LPIN1: variants seen among roughly 807,000 people sequenced by gnomAD.
The protein encoded by LPIN1 is lipin 1.
LPIN1 carries 71 observed loss-of-function variants against 107.5 expected under a neutral mutation model. The ratio of observed to expected loss-of-function variants is 0.66; its 90% CI spans 0.55 to 0.80. LPIN1 has a LOEUF of 0.80. Ranked by LOEUF, LPIN1 falls within the 30% of genes least tolerant of loss-of-function variation. LPIN1 has a pLI of 0.00. For missense variants in LPIN1, 1,043 were observed against 1,160.6 expected (o/e 0.90, Z 1.47); for synonymous variants, 445 against 452.6 (o/e 0.98, Z 0.21).
chr2:11,790,395 C>T (rs1046217833), intron 12 of LPIN1, among the ~76,000 whole-genome samples: 7 of 152,284 alleles, frequency 4.6e-5, no homozygotes, highest in Admixed American at 6.5e-5. Flanking sequence ...CTCAGACTGC[C>T]GCATCTGAAA....
intron 1 of LPIN1, among the ~76,000 whole-genome samples, chr2:11,756,508 C>A (rs1281572059): frequency 6.6e-6 from 1 of 152,126 alleles, no homozygotes; most frequent in Non-Finnish European, 1.5e-5. Flanking sequence ...CCTGCCTCAG[C>A]CTCTCGAGTA....
At chr2:11,721,263 C>CGTGTGTGTGTGTGTGTGT (rs5829326), upstream of LPIN1, among the ~76,000 whole-genome samples, 9 of 129,886 alleles carry the variant, frequency 6.9e-5, no homozygotes, top group African/African-American at 2.6e-4. Flanking sequence ...GTACTGCATG[C>CGTGTGTGTGTGTGTGTGT]GTGTGTGTGT....
intron 18 of LPIN1, 128 bp from the exon 19 acceptor site, chr2:11,819,356 C>A: frequency 1.4e-6 from 1 of 710,690 alleles, no homozygotes; most frequent in South Asian, 1.6e-5. Flanking sequence ...TCTCAGCTGC[C>A]TGACACACAC....
Position 11,776,155 on chromosome 2 carries a change from T to A in LPIN1, c.792T>A (p.Ser264=). The A allele has an allele frequency of 6.5e-7, 1 of 1,546,962 alleles. No homozygotes were observed. The highest frequency in any genetic ancestry group is 8.7e-7 in the Non-Finnish European group (1 of 1,144,456). Residue 264 remains serine, a synonymous_variant, in exon 6 of 21, where the codon TCT becomes TCA. Coordinates refer to ENST00000674199, the MANE Select transcript of LPIN1 (RefSeq NM_001349206.2). ...AVAAEGGLSS[S]CPPQSSLFHP... The stretch of plus-strand genomic sequence containing the variant: ...CGGCCGAGGGAGGTCTGTCTAGTTC[T>A]TGCCCTCCACAGTCTTCCCTGTTCC...
intron 17 of LPIN1, among the ~76,000 whole-genome samples, chr2:11,811,444 T>C (rs1156431856): frequency 6.6e-6 from 1 of 152,146 alleles, no homozygotes; most frequent in Non-Finnish European, 1.5e-5. Context: ...TTTTCCCCAT[T>C]AGGTCACTCT....
chr2:11,771,631 C>A lies in LPIN1; in HGVS notation c.548C>A (p.Pro183His). Residue 183 changes from proline to histidine, a missense_variant, in exon 4 of 21, where the codon CCC becomes CAC. By Grantham distance (77) the Pro-to-His change is moderately conservative. Coordinates refer to ENST00000674199, the MANE Select transcript of LPIN1 (RefSeq NM_001349206.2). This position sits in a 1 kb window ranked among gnomAD's most constrained non-coding sequence, Gnocchi z 4.8. Reference protein sequence around the residue: ...MNTSEDEDMFPIEMSSDEAME... With the variant: ...MNTSEDEDMFHIEMSSDEAME... Reference sequence around the variant, plus strand: ...ACATCTGAGGATGAGGACATGTTCCCCATCGAGATGAGCTCGGATGAGGCC... The same window carrying A: ...ACATCTGAGGATGAGGACATGTTCCACATCGAGATGAGCTCGGATGAGGCC... 6.2e-7 allele frequency: 1 copy of A among 1,606,152 alleles called. No homozygotes were observed.
intron 1 of LPIN1, chr2:11,682,694 C>T (rs1426712410): frequency 6.6e-6 from 1 of 152,148 alleles, no homozygotes. Context: ...ATGTATTTAT[C>T]TATCTCCTGC....
chr2:11,810,164 T>A (rs1679405522), intron 17 of LPIN1, among the ~76,000 whole-genome samples: 1 of 152,048 alleles, frequency 6.6e-6, no homozygotes, highest in South Asian at 2.1e-4. Flanking sequence ...AAGCTTGTGG[T>A]CTTGTGGGAG....
At chr2:11,811,020 C>A (rs1679553319) in intron 17 of LPIN1, among the ~76,000 whole-genome samples, 1 of 152,018 alleles carries the variant, frequency 6.6e-6, no homozygotes, top group African/African-American at 2.4e-5. Flanking sequence ...GCTAGAGGAA[C>A]AGGGGTGATG....
At chr2:11,759,145 C>A (rs139997970) in intron 1 of LPIN1, among the ~76,000 whole-genome samples, 326 of 130,170 alleles carry the variant, frequency 2.5e-3, no homozygotes, top group African/African-American at 9.4e-3. Flanking sequence ...TTCTTTCTTT[C>A]TTTCTTTCTT....
At chr2:11,755,310 C>T (rs1199297247) in intron 1 of LPIN1, among the ~76,000 whole-genome samples, 1 of 152,088 alleles carries the variant, frequency 6.6e-6, no homozygotes, top group Non-Finnish European at 1.5e-5. Flanking sequence ...CCCCTCGTGC[C>T]CCGACTTGCC....
chr2:11,785,150 G>T (rs1674327154), intron 10 of LPIN1, 74 bp downstream of exon 10: 2 of 1,183,470 alleles, frequency 1.7e-6, no homozygotes, highest in South Asian at 3.2e-5. Context: ...CTTCTCCAAG[G>T]AGTGCGTGTC....
At chr2:11,809,431 T>C (rs910201354) in intron 17 of LPIN1, among the ~76,000 whole-genome samples, 2 of 152,108 alleles carry the variant, frequency 1.3e-5, no homozygotes, top group East Asian at 1.9e-4. Context: ...TCTTTTTTTT[T>C]TGGAGATGGA....
intron 1 of LPIN1, among the ~76,000 whole-genome samples, chr2:11,756,620 T>TTCC (rs1330008300): frequency 1.3e-5 from 2 of 152,152 alleles, no homozygotes; most frequent in Non-Finnish European, 2.9e-5. Context: ...TGGTCTCGAA[T>TTCC]TCCTGACCTC....
In LPIN1 at chr2:11,815,124, C is replaced by T. The variant is rs1392306539; in HGVS notation, c.2286C>T (p.Ala762=). 6.2e-7 allele frequency: 1 copy of T among 1,614,170 alleles called. No individual in the cohort carries two copies. Among genetic ancestry groups the T allele is most frequent in the Non-Finnish European group, 8.5e-7 (1 of 1,180,022 alleles). ...GYKFLYCSAR[A]IGMADMTRGY... is the part of the protein sequence containing the mutation. ...AATTTCTCTACTGTTCTGCCCGTGC[C>T]ATCGGGATGGCGGACATGACGCGGG... is the stretch of plus-strand genomic sequence containing the variant. Residue 762 remains alanine, a synonymous_variant, in exon 18 of 21, where the codon GCC becomes GCT. Transcript: ENST00000674199.
At chr2:11,746,750 C>T (rs559666934) in intron 1 of LPIN1, 79 bp downstream of exon 1, 32 of 797,682 alleles carry the variant, frequency 4.0e-5, no homozygotes, top group Middle Eastern at 6.4e-4. Flanking sequence ...GGCGCGGCGC[C>T]GGGGCGCTGA....
intron 17 of LPIN1, chr2:11,805,633 G>A: frequency 3.9e-6 from 1 of 254,290 alleles, no homozygotes; most frequent in Non-Finnish European, 7.7e-6. Context: ...CCAGCAAGTG[G>A]CCCAAAACAG....
chr2:11,815,354 T>C (rs1680393528), intron 18 of LPIN1, 114 bp downstream of exon 18: 4 of 1,280,532 alleles, frequency 3.1e-6, no homozygotes, highest in African/African-American at 2.9e-5. Flanking sequence ...CCAATATCCA[T>C]GCTCCATAGC....
At chr2:11,777,647 G>T (rs925685288) in intron 6 of LPIN1, 2 of 152,166 alleles carry the variant, frequency 1.3e-5, no homozygotes, top group Non-Finnish European at 2.9e-5. Context: ...GCAGCGAGTG[G>T]TTGCGACAGA....
Sources: gnomAD v4.1 joint callset for allele counts (sites outside exome capture counted in the v4.1 genomes callset) on GRCh38, gnomAD v4.1.1 for gene constraint, Gnocchi (gnomAD v3.1) non-coding constraint, MANE v1.5 for transcripts, NCBI Gene and HGNC (gene_info 2026-07-23, HGNC 2026-07-21) for gene names.